GPHN: variants seen among roughly 807,000 people sequenced by gnomAD.
GPHN encodes the protein gephyrin.
In GPHN, 17 loss-of-function variants were observed where a neutral mutation model predicts 95.5. The ratio of observed to expected loss-of-function variants is 0.18; its 90% CI spans 0.12 to 0.27. The LOEUF is 0.27. GPHN is among the 10% of genes least tolerant of loss of function. The pLI, the probability that GPHN is intolerant of heterozygous loss-of-function variation, is 1.00. For synonymous variants in GPHN, 320 were observed against 322.5 expected (o/e 0.99, Z 0.08); for missense variants, 660 against 978.1 (o/e 0.67, Z 4.34).
At chr14:66,978,588 A>G (rs1407059035) in intron 9 of GPHN, among the ~76,000 whole-genome samples, 1 of 152,056 alleles carries the variant, frequency 6.6e-6, no homozygotes, top group African/African-American at 2.4e-5. Context: ...CTCCCCTTCT[A>G]ATTGTAGTTC....
chr14:66,888,618 A>G (rs1288949793), intron 5 of GPHN, among the ~76,000 whole-genome samples: 1 of 152,188 alleles, frequency 6.6e-6, no homozygotes, highest in African/African-American at 2.4e-5. Flanking sequence ...AAGAATTAAA[A>G]TATTTCACTA....
At chr14:67,566,482 C>T in the GPHN span, among the ~76,000 whole-genome samples, 2 of 151,744 alleles carry the variant, frequency 1.3e-5, no homozygotes, top group Non-Finnish European at 2.9e-5. Flanking sequence ...CAGTGGCTCA[C>T]ACCTGTAATC....
At chr14:67,087,649 C>G (rs2076961480) in intron 11 of GPHN, among the ~76,000 whole-genome samples, 1 of 152,048 alleles carries the variant, frequency 6.6e-6, no homozygotes, top group Admixed American at 6.5e-5. Flanking sequence ...GAAATTTGAA[C>G]ATCAGATGGT....
At chr14:67,643,951 A>T in the GPHN span, among the ~76,000 whole-genome samples, 45 of 150,872 alleles carry the variant, frequency 3.0e-4, no homozygotes, top group African/African-American at 1.1e-3. Flanking sequence ...CAATTAAATC[A>T]ACCAGAGGGC....
the GPHN span, chr14:67,571,436 CACTT>C: frequency 7.3e-6 from 2 of 273,832 alleles, no homozygotes; most frequent in South Asian, 8.8e-5. Flanking sequence ...TCGCATGGCA[CACTT>C]AGTCTGTGGT....
the GPHN span, among the ~76,000 whole-genome samples, chr14:67,203,767 C>T: frequency 6.6e-6 from 1 of 152,208 alleles, no homozygotes; most frequent in Non-Finnish European, 1.5e-5. Context: ...GGCTGGAGTG[C>T]AATGGCACGA....
At chr14:67,118,349 C>G (rs2078808093) in intron 16 of GPHN, among the ~76,000 whole-genome samples, 1 of 152,116 alleles carries the variant, frequency 6.6e-6, no homozygotes, top group South Asian at 2.1e-4. Flanking sequence ...ATATGGGAAA[C>G]TAATGATAGA....
At chr14:67,107,624 A>G (rs1273549958) in intron 13 of GPHN, among the ~76,000 whole-genome samples, 1 of 152,148 alleles carries the variant, frequency 6.6e-6, no homozygotes, top group Non-Finnish European at 1.5e-5. Flanking sequence ...TGGATAAGGT[A>G]CTGTGTAGTA....
At chr14:67,344,915 A>G in the GPHN span, among the ~76,000 whole-genome samples, 12,222 of 151,380 alleles carry the variant, frequency 0.081, 1,161 homozygotes, top group African/African-American at 0.23. Context: ...AAAAAAAACA[A>G]GAGTGTACCA....
chr14:66,880,650 G>A (rs534870070), intron 5 of GPHN, among the ~76,000 whole-genome samples: 4 of 151,886 alleles, frequency 2.6e-5, no homozygotes, highest in African/African-American at 9.6e-5. Context: ...AAAAAAAGAA[G>A]CTCAATTCAT....
the GPHN span, among the ~76,000 whole-genome samples, chr14:67,543,015 G>C: frequency 1.3e-5 from 2 of 152,164 alleles, no homozygotes; most frequent in Non-Finnish European, 2.9e-5. Context: ...TCAGCTGGAA[G>C]ATACATTCTA....
the GPHN span, among the ~76,000 whole-genome samples, chr14:67,680,115 C>A: frequency 1.3e-5 from 2 of 152,142 alleles, no homozygotes; most frequent in African/African-American, 2.4e-5. Context: ...GGGTTGTGGT[C>A]CAGGAATCTA....
At chr14:67,263,409 A>G in the GPHN span, among the ~76,000 whole-genome samples, 6 of 152,212 alleles carry the variant, frequency 3.9e-5, no homozygotes, top group African/African-American at 1.2e-4. Context: ...AGAAGAGACT[A>G]TTAGGTATTT....
At chr14:67,465,453 T>A in the GPHN span, among the ~76,000 whole-genome samples, 6 of 129,018 alleles carry the variant, frequency 4.7e-5, no homozygotes, top group Non-Finnish European at 9.3e-5. Context: ...AGCTTGATCC[T>A]TAGGGTAATG....
chr14:67,008,204 CA>C (rs1331616127), intron 9 of GPHN, among the ~76,000 whole-genome samples: 1 of 152,088 alleles, frequency 6.6e-6, no homozygotes, highest in Non-Finnish European at 1.5e-5. Context: ...CCTGTAATCC[CA>C]GCACTTTGGA....
intron 4 of GPHN, among the ~76,000 whole-genome samples, chr14:66,849,889 C>T (rs1045199613): frequency 1.3e-5 from 2 of 152,010 alleles, no homozygotes; most frequent in East Asian, 3.8e-4. Context: ...TCTCAAACTC[C>T]GTTAACATAC....
the GPHN span, among the ~76,000 whole-genome samples, chr14:67,211,389 A>T: frequency 1.1e-4 from 17 of 152,170 alleles, no homozygotes; most frequent in African/African-American, 3.9e-4. Context: ...TGTCTGAAGT[A>T]ATCTTTCCAC....
intron 2 of GPHN, among the ~76,000 whole-genome samples, chr14:66,715,792 A>G (rs2070119103): frequency 6.6e-6 from 1 of 151,926 alleles, no homozygotes; most frequent in Admixed American, 6.6e-5. Context: ...ATGGTTTTGA[A>G]TGTTTCTTTT....
chr14:66,576,820 A>G (rs1325740193), intron 1 of GPHN, among the ~76,000 whole-genome samples: 2 of 152,214 alleles, frequency 1.3e-5, no homozygotes, highest in African/African-American at 4.8e-5. Context: ...ACTGAAAGAG[A>G]TGAACTGTTT....
Sources: gnomAD v4.1 joint callset for allele counts (sites outside exome capture counted in the v4.1 genomes callset) on GRCh38, gnomAD v4.1.1 for gene constraint, MANE v1.5 for transcripts, NCBI Gene and HGNC (gene_info 2026-07-23, HGNC 2026-07-21) for gene names.